The following GFAP variants were observed in gnomAD, a reference collection of about 807,000 sequenced individuals.
GFAP encodes intermediate filament protein.
GFAP carries 38 observed loss-of-function variants against 49.3 expected under a neutral mutation model. The observed-to-expected ratio is 0.77, with a 90% CI of 0.60 to 1.01. The LOEUF is 1.01. Ranked by LOEUF, GFAP falls within the 50% of genes least tolerant of loss-of-function variation. The pLI is 0.00. For missense variants in GFAP, 463 were observed against 579.1 expected (o/e 0.80, Z 2.06); for synonymous variants, 222 against 236.4 (o/e 0.94, Z 0.56).
intron 1 of GFAP, 164 bp downstream of exon 1, chr17:44,914,862 G>A (rs2051869397): frequency 4.6e-6 from 3 of 648,814 alleles, no homozygotes. Context: ...GCCTGTTTCT[G>A]GTCCCTCCCA....
At position 44,908,250 on chromosome 17, in the gene GFAP, T is replaced by C. The variant is rs139330198; in HGVS notation, c.1172-101A>G. On this transcript the variant is annotated intron_variant, in intron 7 of 8. Coordinates refer to ENST00000588735, the MANE Select transcript of GFAP (RefSeq NM_002055.5). ...ATCGCACCCCCCTCCCCATCATGAG[T>C]ATGAGAACCTATGCAACCGAGCAGA... The C allele has an allele frequency of 5.0e-6, 4 of 797,420 alleles. No homozygotes were observed. The East Asian group carries it at 9.8e-5, about 20-fold the overall frequency. 49.4% of individuals were successfully genotyped at this position (797,420 alleles called of 1,614,324 possible). A position where few individuals can be genotyped will look rare whatever the true frequency, so the allele number is the denominator to read the frequency against.
chr17:44,904,844 G>T lies in GFAP; in HGVS notation c.*2503C>A. The T allele has an allele frequency of 6.4e-7, 1 of 1,550,606 alleles. No homozygotes were observed. Among genetic ancestry groups the T allele is most frequent in the South Asian group, 1.2e-5 (1 of 84,020 alleles). On this transcript the variant is annotated 3_prime_UTR_variant, in exon 9 of 9. Transcript: ENST00000588735. ...CCACATCCGCTTCACCCAGCTGGAT[G>T]ACCGGGGCATCTACTATTGCTGGAG... is the stretch of plus-strand genomic sequence containing the variant.
Position 44,904,411 on chromosome 17 carries a change from C to A in GFAP, c.*2936G>T, listed in dbSNP as rs1399307295. 6 of 1,542,222 alleles carry A rather than the reference C, an allele frequency of 3.9e-6. No homozygotes were observed. Among genetic ancestry groups the A allele is most frequent in the Non-Finnish European group, 5.3e-6 (6 of 1,140,776 alleles). On this transcript the variant is annotated 3_prime_UTR_variant, in exon 9 of 9. Coordinates refer to ENST00000588735, the MANE Select transcript of GFAP (RefSeq NM_002055.5). ...AGCAGTGGCGCATCGGCCTCTGCTA[C>A]CTGCAGAGCCCAGACCTCTCCCCAC...
chr17:44,913,867 C>T (rs1356276440), intron 2 of GFAP, 44 bp from the exon 3 acceptor site: 3 of 1,517,820 alleles, frequency 2.0e-6, no homozygotes, highest in Non-Finnish European at 2.7e-6. Context: ...CACTGGGGCC[C>T]CAGGCTCCTT....
In GFAP at chr17:44,911,359, C is replaced by G. The variant is rs759690553; in HGVS notation, c.1004G>C (p.Gly335Ala). ...QEALARLEEEGQSLKDEMARH... is the reference protein window; with the variant it reads ...QEALARLEEEAQSLKDEMARH... ...GGCCATCTCGTCCTTGAGGCTCTGC[C>G]CCTCTTCCTCCAGCCGCGCCAGCGC... Residue 335 changes from glycine (G) to alanine (A), a missense_variant, in exon 6 of 9, where the codon GGG becomes GCG. Gly to Ala is a moderately conservative substitution (Grantham distance 60). This residue lies in a region of GFAP where 362 missense variants were observed against 445.5 expected (regional missense o/e 0.81). Transcript: ENST00000588735. 1.9e-6 allele frequency: 3 copies of G among 1,614,170 alleles called. No homozygotes were observed. The East Asian group carries it at 6.7e-5, about 36-fold the overall frequency.
rs1394198702 is a variant in GFAP, at chr17:44,905,342, G to T, written c.*2005C>A. On this transcript the variant is annotated 3_prime_UTR_variant, in exon 9 of 9. Coordinates refer to ENST00000588735, the MANE Select transcript of GFAP (RefSeq NM_002055.5). ...CACATTTAGGTCAGAGAAGGAAAGT[G>T]TGAACTCAGATTTATCCAGTGGTAA... 1 of 470,928 alleles carries T rather than the reference G, an allele frequency of 2.1e-6. No individual in the cohort carries two copies. Among genetic ancestry groups the T allele is most frequent in the Non-Finnish European group, 3.9e-6 (1 of 253,406 alleles). The allele number at this position is 470,928 out of a possible 1,614,324, so 29.2% of individuals were successfully genotyped here.
chr17:44,910,004 G>C, intron 7 of GFAP: 1 of 1,545,236 alleles, frequency 6.5e-7, no homozygotes, highest in South Asian at 1.3e-5. Flanking sequence ...TGCAGTTCCT[G>C]GGAAAATGAC....
rs1422377308 is a variant in GFAP, at chr17:44,914,105, C to T, written c.462-17G>A. On this transcript the variant is annotated splice_polypyrimidine_tract_variant and intron_variant, in intron 1 of 8. Transcript: ENST00000588735. ...TCCTGGAGCCTGGAGTGGGGGGACACATTCCTGGGTCCAGGCTCTTCTGAG... is the reference window on the plus strand; with the variant it reads ...TCCTGGAGCCTGGAGTGGGGGGACATATTCCTGGGTCCAGGCTCTTCTGAG... 6.5e-7 allele frequency: 1 copy of T among 1,545,180 alleles called. No homozygotes were observed. The highest frequency in any genetic ancestry group is 8.8e-7 in the Non-Finnish European group (1 of 1,140,748).
At chr17:44,909,185 A>G (rs1267996061) in intron 7 of GFAP, 1 of 152,366 alleles carries the variant, frequency 6.6e-6, no homozygotes, top group Non-Finnish European at 1.5e-5. Flanking sequence ...AGAAGTCCCA[A>G]CTTAGCCACC....
rs1245041876 is a variant in GFAP, at chr17:44,915,122, T to C, written c.365A>G (p.Glu122Gly). The C allele has an allele frequency of 6.2e-7, 1 of 1,614,002 alleles. No homozygotes were observed. Among genetic ancestry groups the C allele is most frequent in the Admixed American group, 1.7e-5 (1 of 60,020 alleles). ...GAGTTGATCGAGCCGCAGCCGCAGC[T>C]CTCGCAGCTCAGCCTGGTAGACGTC... ...LADVYQAELR[E>G]LRLRLDQLTA... The change falls in exon 1 of 9, where the codon GAG (glutamate) becomes GGG (glycine). Residue 122 changes from glutamate (E) to glycine (G), a missense_variant. Coordinates refer to ENST00000588735, the MANE Select transcript of GFAP (RefSeq NM_002055.5). This position sits in a 1 kb window ranked among gnomAD's most constrained non-coding sequence, Gnocchi z 4.1.
At chr17:44,910,587 C>T in intron 7 of GFAP, 28 bp downstream of exon 7, 1 of 1,564,216 alleles carries the variant, frequency 6.4e-7, no homozygotes. Flanking sequence ...ACTCCAGTGC[C>T]CTTCCCACGA....
In GFAP at chr17:44,911,650, G is replaced by A. The variant is rs371194001; in HGVS notation, c.906+22C>T. The A allele has an allele frequency of 6.3e-5, 101 of 1,609,758 alleles. 5 individuals are homozygous for A. Among genetic ancestry groups the A allele is most frequent in the East Asian group, 5.3e-4 (24 of 44,884 alleles). ...GGCCGTCCCTGCTCCGCCCGTCCCCGTCCTGCCCTGGCCGCGCTCACCGTG... is the reference window on the plus strand; with the variant it reads ...GGCCGTCCCTGCTCCGCCCGTCCCCATCCTGCCCTGGCCGCGCTCACCGTG... On this transcript the variant is annotated intron_variant, in intron 5 of 8. Transcript: ENST00000588735.
Position 44,903,601 on chromosome 17 carries a change from C to G in GFAP, c.*3746G>C. 2.9e-6 allele frequency: 4 copies of G among 1,403,150 alleles called. No individual in the cohort carries two copies. In the South Asian group the frequency reaches 5.0e-5, roughly 18 times the overall value. The allele number at this position is 1,403,150 out of a possible 1,614,324, so 86.9% of individuals were successfully genotyped here. ...AGGCCAGGTTCTAGAATGGCTTTCC[C>G]CCCCCACCCTGAGATCAGGTCTGGA... On this transcript the variant is annotated 3_prime_UTR_variant, in exon 9 of 9. Transcript: ENST00000588735.
rs2051613405 is a variant in GFAP, at chr17:44,904,246, C to T, written c.*3101G>A. The T allele has an allele frequency of 1.9e-6, 3 of 1,550,446 alleles. No homozygotes were observed. Among genetic ancestry groups the T allele is most frequent in the African/African-American group, 2.7e-5 (2 of 73,058 alleles). On this transcript the variant is annotated 3_prime_UTR_variant, in exon 9 of 9. Coordinates refer to ENST00000588735, the MANE Select transcript of GFAP (RefSeq NM_002055.5). The stretch of plus-strand genomic sequence containing the variant: ...ACTACTTTTACGCCTACGATGTGGA[C>T]ATCCAGAACAGTGAGGGAATGGTGG...
chr17:44,910,348 C>A, intron 7 of GFAP: 1 of 1,611,594 alleles, frequency 6.2e-7, no homozygotes, highest in Non-Finnish European at 8.5e-7. Context: ...GGGCAGATGT[C>A]AAGCTCTCAC....
rs1468149584 is a variant in GFAP at position 44,904,248 on chromosome 17, T to A, written c.*3099A>T. 1.9e-6 allele frequency: 3 copies of A among 1,550,388 alleles called. No homozygotes were observed. The highest frequency in any genetic ancestry group is 2.6e-6 in the Non-Finnish European group (3 of 1,146,998). ...TACTTTTACGCCTACGATGTGGACA[T>A]CCAGAACAGTGAGGGAATGGTGGCC... On this transcript the variant is annotated 3_prime_UTR_variant, in exon 9 of 9. Coordinates refer to ENST00000588735, the MANE Select transcript of GFAP (RefSeq NM_002055.5).
At position 44,905,119 on chromosome 17, in the gene GFAP, A is replaced by G; in HGVS notation, c.*2228T>C. ...CCAGTTGTCCTTCAATGTGTTTGTT[A>G]AATGATACCAGATGTCTCTGGGTGG... On this transcript the variant is annotated 3_prime_UTR_variant, in exon 9 of 9. Transcript: ENST00000588735. 8 of 1,404,138 alleles carry G rather than the reference A, an allele frequency of 5.7e-6. No individual in the cohort carries two copies. The highest frequency in any genetic ancestry group is 6.8e-6 in the Non-Finnish European group (7 of 1,036,010). The allele number at this position is 1,404,138 out of a possible 1,614,324, so 87.0% of individuals were successfully genotyped here.
rs1160840684 is a variant in GFAP at position 44,911,687 on chromosome 17, C to T, written c.891G>A (p.Glu297=). 2 of 1,613,374 alleles carry T rather than the reference C, an allele frequency of 1.2e-6. No individual in the cohort carries two copies. Among genetic ancestry groups the T allele is most frequent in the African/African-American group, 2.7e-5 (2 of 74,946 alleles). ...RQLQSLTCDL[E]SLRGTNESLE... is the part of the protein sequence containing the mutation. ...CCGCGCTCACCGTGCCGCGCAGAGA[C>T]TCCAGGTCGCAGGTCAAGGACTGCA... The change falls in exon 5 of 9, where the codon GAG becomes GAA. Residue 297 remains glutamate, a synonymous_variant. Coordinates refer to ENST00000588735, the MANE Select transcript of GFAP (RefSeq NM_002055.5).
Position 44,904,726 on chromosome 17 carries a change from C to G in GFAP, c.*2621G>C, listed in dbSNP as rs1452814424. ...GGGCCCGGCCAGAGCATGCAGTGGC[C>G]TGGGACAAAGACCGCCAGCACCTCT... On this transcript the variant is annotated 3_prime_UTR_variant, in exon 9 of 9. Coordinates refer to ENST00000588735, the MANE Select transcript of GFAP (RefSeq NM_002055.5). The G allele has an allele frequency of 6.4e-7, 1 of 1,550,588 alleles. No homozygotes were observed. Among genetic ancestry groups the G allele is most frequent in the Admixed American group, 2.0e-5 (1 of 51,000 alleles).
Sources: allele counts gnomAD v4.1 joint callset, GRCh38; gene constraint gnomAD v4.1.1; regional missense constraint gnomAD v4.1.1; non-coding constraint Gnocchi (gnomAD v3.1); transcripts MANE v1.5; gene names NCBI Gene and HGNC (gene_info 2026-07-23, HGNC 2026-07-21).